Variants in LCTL observed in about 807,000 individuals in gnomAD.
LCTL encodes the protein lactase-like protein.
Under a neutral mutation model 75.8 loss-of-function variants are expected in LCTL, and 76 were observed. The observed-to-expected ratio is 1.00, with a 90% CI of 0.83 to 1.21. The LOEUF (loss-of-function observed/expected upper bound fraction) is 1.21. LCTL is among the 50% of genes most tolerant of loss of function. LCTL has a pLI of 0.00. For synonymous variants in LCTL, 271 were observed against 268.8 expected (o/e 1.01, Z -0.08); for missense variants, 670 against 712.4 (o/e 0.94, Z 0.68).
At chr15:66,555,898 G>A (rs1449585363) in intron 8 of LCTL, among the ~76,000 whole-genome samples, 1 of 152,148 alleles carries the variant, frequency 6.6e-6, no homozygotes. Context: ...AGATGTATAA[G>A]CACATGAAAA....
At chr15:66,561,881 C>T (rs983132001) in intron 4 of LCTL, among the ~76,000 whole-genome samples, 1 of 152,160 alleles carries the variant, frequency 6.6e-6, no homozygotes, top group South Asian at 2.1e-4. Context: ...ACCCAGTTCC[C>T]AGTCATCTTA....
chr15:66,561,398 G>C, intron 4 of LCTL, 83 bp from the exon 6 acceptor site: 1 of 1,506,944 alleles, frequency 6.6e-7, no homozygotes. Flanking sequence ...ACAGTCCTCA[G>C]ACAAACAGGA....
intron 6 of LCTL, among the ~76,000 whole-genome samples, chr15:66,560,029 G>A (rs948538414): frequency 6.6e-6 from 1 of 152,156 alleles, no homozygotes; most frequent in Non-Finnish European, 1.5e-5. Context: ...GGAGGTTGCA[G>A]TGAGCCGAGA....
chr15:66,563,730 G>A, intron 3 of LCTL, 105 bp from the exon 5 acceptor site: 1 of 921,314 alleles, frequency 1.1e-6, no homozygotes, highest in South Asian at 1.6e-5. Flanking sequence ...GAAGGCCTGA[G>A]GCACCCTCAG....
In LCTL at chr15:66,559,565, G is replaced by A. The variant is rs529314151; in HGVS notation, c.705+1441C>T. ...TACTAAAAATTCAAAAAAATTAGCC[G>A]GGTGTGGTGGCGTATGCCTGTAATC... On this transcript the variant is annotated intron_variant, in intron 6 of 12. Coordinates refer to ENST00000341509, the Ensembl canonical transcript of LCTL. 1.4e-4 allele frequency among the ~76,000 whole-genome samples: 22 copies of A among 152,124 alleles called. No homozygotes were observed. The South Asian group carries it at 2.7e-3, about 19-fold the overall frequency.
chr15:66,559,354 T>C (rs79930420), intron 6 of LCTL, among the ~76,000 whole-genome samples: 1 of 152,316 alleles, frequency 6.6e-6, no homozygotes, highest in African/African-American at 2.4e-5. Flanking sequence ...CAACCAGCAA[T>C]AACCAAGTGA....
chr15:66,564,640 C>T (rs376295010), intron 2 of LCTL, 36 bp downstream of exon 3: 141 of 1,598,586 alleles, frequency 8.8e-5, no homozygotes, highest in Non-Finnish European at 1.1e-4. Context: ...TGTGTGCACG[C>T]GCGCGCACAC....
chr15:66,561,964 G>A (rs532740214), intron 4 of LCTL, among the ~76,000 whole-genome samples: 1 of 152,008 alleles, frequency 6.6e-6, no homozygotes, highest in Non-Finnish European at 1.5e-5. Flanking sequence ...TCTCCTACCT[G>A]CTCCCCAAAT....
rs1336457042 is a variant in LCTL at position 66,553,695 on chromosome 15, C to T, written c.923-437G>A. ...GCGTGAATCCAGGAGGTGGAGCTTG[C>T]AGTGAGCCAAGATCGTGCCACTGCA... is the stretch of plus-strand genomic sequence containing the variant. On this transcript the variant is annotated intron_variant, in intron 8 of 12. Transcript: ENST00000341509. 4.1e-5 allele frequency among the ~76,000 whole-genome samples: 6 copies of T among 147,352 alleles called. 1 individual carries two copies. Among genetic ancestry groups the T allele is most frequent in the Admixed American group, 2.8e-4 (4 of 14,454 alleles).
In LCTL at chr15:66,557,892, AAAAG is replaced by A. The variant is rs1895779965; in HGVS notation, c.761-13_761-10del. 6.2e-7 allele frequency: 1 copy of A among 1,613,234 alleles called. No individual in the cohort carries two copies. On this transcript the variant is annotated splice_polypyrimidine_tract_variant and intron_variant, in intron 7 of 12. Transcript: ENST00000341509. ...TGAAATTCCCACCAGACCTTAAAAG[AAAAG>A]AAAGAAAAGGGAGTGGGGAGTGGGC...
chr15:66,553,297 T>C, intron 8 of LCTL, 39 bp from the exon 10 acceptor site: 1 of 1,477,432 alleles, frequency 6.8e-7, no homozygotes, highest in Non-Finnish European at 9.0e-7. Context: ...AAAGCCTTAT[T>C]TTCTCCCAAT....
At chr15:66,552,954 G>A (rs751296974) in intron 9 of LCTL, 30 bp downstream of exon 10, 1 of 1,422,086 alleles carries the variant, frequency 7.0e-7, no homozygotes, top group South Asian at 1.8e-5. Flanking sequence ...AAGTCTAAAT[G>A]TCCTTTGAAT....
chr15:66,557,546 C>CT (rs1345325001), intron 8 of LCTL, among the ~76,000 whole-genome samples, 176 bp downstream of exon 9: 1 of 152,058 alleles, frequency 6.6e-6, no homozygotes, highest in African/African-American at 2.4e-5. Flanking sequence ...ATTGAGAGGT[C>CT]TAGGGTTCCT....
chr15:66,550,273 C>A, intron 11 of LCTL, 169 bp from the exon 13 acceptor site: 1 of 568,502 alleles, frequency 1.8e-6, no homozygotes, highest in Non-Finnish European at 3.2e-6. Flanking sequence ...TACTGTACAT[C>A]CATGTACATC....
In LCTL at chr15:66,554,595, A is replaced by T. The variant is rs373663208; in HGVS notation, c.923-1337T>A. Among the ~76,000 whole-genome samples the T allele has an allele frequency of 3.7e-4, 57 of 152,360 alleles. 1 individual carries two copies. In the East Asian group the frequency reaches 4.2e-3, roughly 11 times the overall value. ...ATGTCCTTTCATTGACCAATTCCAA[A>T]TCTGTTTACACTTTACTCACACATG... On this transcript the variant is annotated intron_variant, in intron 8 of 12. Transcript: ENST00000341509.
At chr15:66,561,466 A>G in intron 4 of LCTL, 151 bp from the exon 6 acceptor site, 1 of 853,988 alleles carries the variant, frequency 1.2e-6, no homozygotes, top group Non-Finnish European at 1.8e-6. Context: ...GATGGATTGA[A>G]TATTTAAGAA....
rs138058772 is a variant in LCTL, at chr15:66,558,915, C to G, written c.706-879G>C. Among the ~76,000 whole-genome samples the G allele has an allele frequency of 5.9e-3, 892 of 151,644 alleles. 6 individuals carry two copies. The highest frequency in any genetic ancestry group is 0.019 in the African/African-American group (795 of 41,320). On this transcript the variant is annotated intron_variant, in intron 6 of 12. Transcript: ENST00000341509. ...TTCTCCATGTTGGTCAGGCTGATCTCGAACTCCAGACCTCAAGCAATCTGC... is the reference window on the plus strand; with the variant it reads ...TTCTCCATGTTGGTCAGGCTGATCTGGAACTCCAGACCTCAAGCAATCTGC...
chr15:66,553,288 A>G, intron 8 of LCTL, 30 bp from the exon 10 acceptor site: 2 of 1,502,158 alleles, frequency 1.3e-6, no homozygotes, highest in Non-Finnish European at 1.8e-6. Flanking sequence ...GAATTTAACA[A>G]AGCCTTATTT....
At chr15:66,552,066 C>G in exon 10 of LCTL, 1 of 1,612,180 alleles carries the variant, frequency 6.2e-7, no homozygotes, top group East Asian at 2.2e-5. Flanking sequence ...ATTTATGTAT[C>G]CTTTAAGGTA....
Sources: allele counts gnomAD v4.1 joint callset (sites outside exome capture counted in the v4.1 genomes callset), GRCh38; gene constraint gnomAD v4.1.1; transcripts MANE v1.5; gene names NCBI Gene and HGNC (gene_info 2026-07-23, HGNC 2026-07-21).